CTNNA3: variants seen among roughly 807,000 people sequenced by gnomAD.
CTNNA3 encodes the protein catenin alpha 3.
CTNNA3 carries 76 observed loss-of-function variants against 95.7 expected under a neutral mutation model. The observed-to-expected ratio is 0.79, with a 90% CI of 0.66 to 0.96. The LOEUF (loss-of-function observed/expected upper bound fraction) is 0.96. CTNNA3 is among the 40% of genes least tolerant of loss of function. The probability of loss-of-function intolerance (pLI) is 0.00; values close to 1 mark genes in which losing one functional copy is unlikely to be tolerated. For synonymous variants in CTNNA3, 431 were observed against 374.4 expected (o/e 1.15, Z -1.74); for missense variants, 1,191 against 1,089.8 (o/e 1.09, Z -1.31).
At chr10:67,607,267 C>T (rs1248405931) in intron 2 of CTNNA3, among the ~76,000 whole-genome samples, 1 of 152,084 alleles carries the variant, frequency 6.6e-6, no homozygotes, top group Non-Finnish European at 1.5e-5. Flanking sequence ...AGCCTGATAA[C>T]ATAAATAGTC....
At chr10:66,412,114 C>T (rs1002984953) in intron 11 of CTNNA3, among the ~76,000 whole-genome samples, 13 of 151,864 alleles carry the variant, frequency 8.6e-5, no homozygotes, top group African/African-American at 2.9e-4. Context: ...CTGAGTAAGA[C>T]AGGAAACAAA....
At chr10:67,701,186 G>A (rs1038378981), upstream of CTNNA3, among the ~76,000 whole-genome samples, 7 of 152,212 alleles carry the variant, frequency 4.6e-5, no homozygotes, top group Admixed American at 2.0e-4. Flanking sequence ...ATGGAACCAA[G>A]TTGGAAAACA....
At chr10:66,136,031 A>G (rs1346324590) in intron 13 of CTNNA3, among the ~76,000 whole-genome samples, 1 of 151,664 alleles carries the variant, frequency 6.6e-6, no homozygotes, top group African/African-American at 2.4e-5. Context: ...CCTCCCAAGT[A>G]GCTGGGACTA....
chr10:66,726,081 T>C (rs1164686213), intron 9 of CTNNA3, among the ~76,000 whole-genome samples: 1 of 152,074 alleles, frequency 6.6e-6, no homozygotes. Context: ...ATGAGTAAAA[T>C]ATGTATGTTA....
chr10:67,510,575 C>A (rs1020551601), intron 5 of CTNNA3, among the ~76,000 whole-genome samples: 1 of 152,022 alleles, frequency 6.6e-6, no homozygotes, highest in African/African-American at 2.4e-5. Flanking sequence ...GTACCAGTAC[C>A]ATGCTCTTTT....
chr10:67,240,495 AT>A (rs1397503696), intron 5 of CTNNA3, among the ~76,000 whole-genome samples: 2 of 152,228 alleles, frequency 1.3e-5, no homozygotes, highest in Non-Finnish European at 2.9e-5. Context: ...AAAAATTAAA[AT>A]TAAAAAAATG....
intron 10 of CTNNA3, among the ~76,000 whole-genome samples, chr10:66,570,298 TG>T (rs1413825663): frequency 6.6e-6 from 1 of 151,978 alleles, no homozygotes; most frequent in Non-Finnish European, 1.5e-5. Context: ...TGTTTTGTTT[TG>T]TTTTGTTTTG....
At chr10:67,721,381 G>T (rs1841179050) in intron 1 of CTNNA3, among the ~76,000 whole-genome samples, 1 of 150,906 alleles carries the variant, frequency 6.6e-6, no homozygotes, top group Non-Finnish European at 1.5e-5. Flanking sequence ...CTTTAATCTT[G>T]TCTTCACGCT....
intron 1 of CTNNA3, among the ~76,000 whole-genome samples, chr10:67,707,118 C>A (rs1841083116): frequency 6.6e-6 from 1 of 152,158 alleles, no homozygotes; most frequent in South Asian, 2.1e-4. Flanking sequence ...TTCTCTAGCT[C>A]TCCTACCCTG....
intron 11 of CTNNA3, among the ~76,000 whole-genome samples, chr10:66,483,224 A>G (rs1839603438): frequency 6.6e-6 from 1 of 152,232 alleles, no homozygotes; most frequent in Admixed American, 6.5e-5. Flanking sequence ...ATTAATTAAT[A>G]TTTTGGAGAA....
At chr10:66,484,016 AC>A (rs1190172795) in intron 11 of CTNNA3, among the ~76,000 whole-genome samples, 1 of 152,004 alleles carries the variant, frequency 6.6e-6, no homozygotes, top group Non-Finnish European at 1.5e-5. Context: ...AATGAGAACT[AC>A]CTCTCCAAGG....
chr10:66,163,172 C>G (rs769798266), intron 13 of CTNNA3, among the ~76,000 whole-genome samples: 1 of 152,164 alleles, frequency 6.6e-6, no homozygotes, highest in Non-Finnish European at 1.5e-5. Flanking sequence ...GTTATTCCCC[C>G]TCCTGTGGAG....
chr10:67,308,760 C>T (rs1840663222), intron 5 of CTNNA3, among the ~76,000 whole-genome samples: 1 of 151,994 alleles, frequency 6.6e-6, no homozygotes, highest in African/African-American at 2.4e-5. Flanking sequence ...TTAATCAATC[C>T]CTCATTTGAA....
intron 15 of CTNNA3, among the ~76,000 whole-genome samples, chr10:66,035,553 G>A (rs7475633): frequency 0.77 from 115,779 of 149,998 alleles, 45,005 homozygotes; most frequent in South Asian, 0.9. Context: ...TTTTTTTGCC[G>A]CTGGCTTTAT....
At chr10:67,305,192 T>C (rs933363322) in intron 5 of CTNNA3, among the ~76,000 whole-genome samples, 2 of 151,660 alleles carry the variant, frequency 1.3e-5, no homozygotes, top group African/African-American at 2.4e-5. Context: ...AGGAGAATGG[T>C]GTGAACCCGG....
chr10:66,918,926 G>A lies in CTNNA3; in HGVS notation c.1048-143402C>T, dbSNP rs552487488. Among the ~76,000 whole-genome samples, 18 of 152,102 alleles carry A rather than the reference G, an allele frequency of 1.2e-4. No homozygotes were observed. The East Asian group carries it at 1.9e-3, about 16-fold the overall frequency. Reference sequence around the variant, plus strand: ...TGAGGCGGGCAGATCACAAGGTCAGGAGATTGAGACCATCCTGGCTAACAC... The same window carrying A: ...TGAGGCGGGCAGATCACAAGGTCAGAAGATTGAGACCATCCTGGCTAACAC... On this transcript the variant is annotated intron_variant, in intron 7 of 17. Coordinates refer to ENST00000433211, the MANE Select transcript of CTNNA3 (RefSeq NM_013266.4).
intron 5 of CTNNA3, among the ~76,000 whole-genome samples, chr10:67,474,086 C>T (rs974234210): frequency 6.6e-6 from 1 of 152,090 alleles, no homozygotes; most frequent in Non-Finnish European, 1.5e-5. Context: ...CAATCTGTAA[C>T]CAAACAAATC....
chr10:67,408,955 AT>A (rs1466800030), intron 5 of CTNNA3, among the ~76,000 whole-genome samples: 3 of 152,082 alleles, frequency 2.0e-5, no homozygotes, highest in African/African-American at 4.8e-5. Context: ...GAAGACATAC[AT>A]GCATGTGGCC....
intron 13 of CTNNA3, among the ~76,000 whole-genome samples, chr10:66,267,188 T>C (rs2091178480): frequency 6.6e-6 from 1 of 152,084 alleles, no homozygotes; most frequent in Non-Finnish European, 1.5e-5. Context: ...AGCAAGGTCA[T>C]GTTTCTTTGA....
Sources: allele counts gnomAD v4.1 joint callset (sites outside exome capture counted in the v4.1 genomes callset), GRCh38; gene constraint gnomAD v4.1.1; transcripts MANE v1.5; gene names NCBI Gene and HGNC (gene_info 2026-07-23, HGNC 2026-07-21).